PRIMPOL: variants seen among roughly 807,000 people sequenced by gnomAD.
PRIMPOL encodes the protein primase and DNA directed polymerase.
PRIMPOL carries 54 observed loss-of-function variants against 63.6 expected under a neutral mutation model. The ratio of observed to expected loss-of-function variants is 0.85; its 90% CI spans 0.68 to 1.07. PRIMPOL has a LOEUF of 1.07. PRIMPOL is among the 50% of genes least tolerant of loss of function. The pLI, the probability that PRIMPOL is intolerant of heterozygous loss-of-function variation, is 0.00. For synonymous variants in PRIMPOL, 197 were observed against 220.2 expected (o/e 0.89, Z 0.93); for missense variants, 610 against 648.3 (o/e 0.94, Z 0.64).
chr4:184,685,591 A>G lies in PRIMPOL; in HGVS notation c.1202A>G (p.Asn401Ser). 6.2e-7 allele frequency: 1 copy of G among 1,612,190 alleles called. No individual in the cohort carries two copies. The highest frequency in any genetic ancestry group is 8.5e-7 in the Non-Finnish European group (1 of 1,178,534). Reference sequence around the variant, plus strand: ...TGCATTTTAGGAATTCGGCGTTGGAACTACTTTTTCCCAGAAGAATTACTG... The same window carrying G: ...TGCATTTTAGGAATTCGGCGTTGGAGCTACTTTTTCCCAGAAGAATTACTG... Reference protein sequence around the residue: ...DGIKGGIRRWNYFFPEELLVY... With the variant: ...DGIKGGIRRWSYFFPEELLVY... Residue 401 changes from asparagine (N) to serine (S), a missense_variant, in exon 11 of 14, where the codon AAC (asparagine) becomes AGC (serine). By Grantham distance (46) the Asn-to-Ser change is conservative. Around this residue, in one of 3 missense-constraint regions of PRIMPOL, gnomAD observed 444 missense variants for 456.4 expected, o/e 0.97. Transcript: ENST00000314970.
intron 11 of PRIMPOL, among the ~76,000 whole-genome samples, chr4:184,688,447 C>T (rs1177914478): frequency 1.3e-5 from 2 of 152,214 alleles, no homozygotes; most frequent in African/African-American, 4.8e-5. Flanking sequence ...CAAATTACAT[C>T]CACACAGATC....
At chr4:184,681,884 G>GT (rs144011795) in intron 8 of PRIMPOL, among the ~76,000 whole-genome samples, 19,843 of 152,020 alleles carry the variant, frequency 0.13, 1,376 homozygotes, top group Middle Eastern at 0.18. Flanking sequence ...TATTTTTATT[G>GT]TTTTTTAAAA....
chr4:184,650,366 C>CGTCA (rs1262486416), intron 1 of PRIMPOL, among the ~76,000 whole-genome samples: 1 of 152,202 alleles, frequency 6.6e-6, no homozygotes, highest in African/African-American at 2.4e-5. Context: ...GCAAAGACGG[C>CGTCA]GTCAATTAAG....
chr4:184,681,992 A>G (rs1755748016), intron 8 of PRIMPOL, among the ~76,000 whole-genome samples: 1 of 152,192 alleles, frequency 6.6e-6, no homozygotes, highest in Non-Finnish European at 1.5e-5. Context: ...TTCTGTAATT[A>G]AGGATAGTAT....
At chr4:184,658,621 T>C (rs866718366) in intron 3 of PRIMPOL, among the ~76,000 whole-genome samples, 107 of 152,104 alleles carry the variant, frequency 7.0e-4, no homozygotes, top group Middle Eastern at 3.4e-3. Flanking sequence ...AAAAAATGGT[T>C]CCGGCTGGGT....
chr4:184,689,110 C>T (rs187118883), intron 11 of PRIMPOL, among the ~76,000 whole-genome samples: 21 of 152,070 alleles, frequency 1.4e-4, no homozygotes, highest in Non-Finnish European at 2.2e-4. Context: ...AGTGTGATGG[C>T]CCAGGCTTGA....
At chr4:184,687,674 G>A (rs181057094) in intron 11 of PRIMPOL, among the ~76,000 whole-genome samples, 83 of 152,248 alleles carry the variant, frequency 5.5e-4, no homozygotes, top group Admixed American at 3.7e-3. Context: ...GGGTGCAATC[G>A]CACGATCTCG....
At chr4:184,682,784 T>C (rs1031712669) in intron 9 of PRIMPOL, among the ~76,000 whole-genome samples, 1 of 152,116 alleles carries the variant, frequency 6.6e-6, no homozygotes, top group African/African-American at 2.4e-5. Flanking sequence ...GCACAGGGGC[T>C]CACACCTGTA....
chr4:184,694,359 C>G (rs1184475018), intron 13 of PRIMPOL, 163 bp from the exon 14 acceptor site: 1 of 1,404,138 alleles, frequency 7.1e-7, no homozygotes, highest in African/African-American at 1.4e-5. Flanking sequence ...AATCAGTGCA[C>G]TCATTCCCAC....
intron 11 of PRIMPOL, among the ~76,000 whole-genome samples, chr4:184,686,305 G>T (rs779726460): frequency 2.6e-5 from 4 of 152,190 alleles, no homozygotes; most frequent in Non-Finnish European, 5.9e-5. Flanking sequence ...AGGATGGGAA[G>T]CATGCCTGTC....
chr4:184,669,935 T>G (rs1344137167), intron 6 of PRIMPOL, among the ~76,000 whole-genome samples: 2 of 152,222 alleles, frequency 1.3e-5, no homozygotes, highest in East Asian at 3.8e-4. Flanking sequence ...TAGTTGCTAT[T>G]GTCAGCCTTT....
chr4:184,655,307 G>C (rs1281043562), intron 2 of PRIMPOL, among the ~76,000 whole-genome samples: 2 of 150,336 alleles, frequency 1.3e-5, no homozygotes, highest in African/African-American at 4.9e-5. Flanking sequence ...ACGGCGCCTG[G>C]TCTACCCTCT....
intron 3 of PRIMPOL, 165 bp downstream of exon 3, chr4:184,657,485 G>A (rs1746798342): frequency 1.8e-6 from 1 of 546,160 alleles, no homozygotes; most frequent in African/African-American, 1.9e-5. Flanking sequence ...TTAATGGCAT[G>A]TGATTTAGGA....
intron 11 of PRIMPOL, among the ~76,000 whole-genome samples, chr4:184,689,807 AG>A (rs1383774300): frequency 1.1e-4 from 16 of 152,186 alleles, no homozygotes; most frequent in South Asian, 2.1e-4. Context: ...AGCTCTACAA[AG>A]ATGGAGCATG....
chr4:184,677,219 C>T (rs1754329496), intron 7 of PRIMPOL, among the ~76,000 whole-genome samples: 2 of 151,804 alleles, frequency 1.3e-5, no homozygotes, highest in South Asian at 2.1e-4. Context: ...GTTGTGGCCT[C>T]CCATAATGCT....
intron 11 of PRIMPOL, among the ~76,000 whole-genome samples, chr4:184,688,130 AG>A (rs1757477443): frequency 6.6e-6 from 1 of 152,222 alleles, no homozygotes; most frequent in Middle Eastern, 3.2e-3. Flanking sequence ...TAAACCGTGA[AG>A]GTGGGAACCG....
chr4:184,685,780 A>T (rs1756827333), intron 11 of PRIMPOL, 96 bp downstream of exon 11: 1 of 597,672 alleles, frequency 1.7e-6, no homozygotes, highest in Middle Eastern at 4.9e-4. Context: ...ATTTTGTTTT[A>T]AAAATAAATT....
chr4:184,672,424 A>T lies in PRIMPOL; in HGVS notation c.808A>T (p.Asn270Tyr). ...SPDLSFLVVK[N>Y]NMGEKHLFVD... ...TGACCTTTCATTTCTAGTTGTGAAGAATAACATGGGAGAGAAGCATCTTTT... is the reference window on the plus strand; with the variant it reads ...TGACCTTTCATTTCTAGTTGTGAAGTATAACATGGGAGAGAAGCATCTTTT... The change falls in exon 7 of 14, where the codon AAT becomes TAT. Residue 270 changes from asparagine (N) to tyrosine (Y), a missense_variant. Asn to Tyr is a moderately radical substitution (Grantham distance 143, BLOSUM62 -2). Around this residue, in one of 3 missense-constraint regions of PRIMPOL, gnomAD observed 444 missense variants for 456.4 expected, o/e 0.97. Transcript: ENST00000314970. 6.2e-7 allele frequency: 1 copy of T among 1,611,926 alleles called. No individual in the cohort carries two copies. The highest frequency in any genetic ancestry group is 1.1e-5 in the South Asian group (1 of 90,566).
At position 184,684,825 on chromosome 4, in the gene PRIMPOL, A is replaced by G. The variant is rs539758821; in HGVS notation, c.1097-584A>G. On this transcript the variant is annotated intron_variant, in intron 9 of 13. Coordinates refer to ENST00000314970, the MANE Select transcript of PRIMPOL (RefSeq NM_152683.4). Reference sequence around the variant, plus strand: ...AAAGCTTAACTGAAAGGAAATCAGAATAGAAATTAACACTGTACTTTGTTA... The same window carrying G: ...AAAGCTTAACTGAAAGGAAATCAGAGTAGAAATTAACACTGTACTTTGTTA... Among the ~76,000 whole-genome samples the G allele has an allele frequency of 3.9e-5, 6 of 152,306 alleles. No individual in the cohort carries two copies. In the East Asian group the frequency reaches 1.2e-3, roughly 29 times the overall value.
Sources: gnomAD v4.1 joint callset for allele counts (sites outside exome capture counted in the v4.1 genomes callset) on GRCh38, gnomAD v4.1.1 for gene constraint, gnomAD v4.1.1 regional missense constraint, MANE v1.5 for transcripts, NCBI Gene and HGNC (gene_info 2026-07-23, HGNC 2026-07-21) for gene names.